Variants in NSUN6 observed in about 807,000 individuals in gnomAD.
NSUN6 encodes the protein tRNA (cytosine(72)-C(5))-methyltransferase NSUN6.
Under a neutral mutation model 58.0 loss-of-function variants are expected in NSUN6, and 64 were observed. The observed-to-expected ratio is 1.10, with a 90% CI of 0.90 to 1.36. The LOEUF is 1.36. NSUN6 is among the 40% of genes most tolerant of loss of function. NSUN6 has a pLI of 0.00. For synonymous variants in NSUN6, 231 were observed against 193.9 expected, an observed-to-expected ratio of 1.19 and a Z score of -1.59; for missense variants, 701 against 550.1, an observed-to-expected ratio of 1.27 and a Z score of -2.74.
At chr10:18,568,849 C>CATTCT (rs2056158813) in intron 8 of NSUN6, among the ~76,000 whole-genome samples, 1 of 7,412 alleles carries the variant, frequency 1.3e-4, no homozygotes, top group Non-Finnish European at 2.8e-4. Context: ...TTCCATTCTA[C>CATTCT]ATTCAATTCC....
chr10:18,557,224 C>T (rs990328838), intron 8 of NSUN6, among the ~76,000 whole-genome samples: 1 of 143,836 alleles, frequency 7.0e-6, no homozygotes, highest in African/African-American at 2.6e-5. Context: ...GAAAAGAGAA[C>T]ATGGAATGGA....
chr10:18,570,434 TTCCATTCCATTC>T (rs1219236711), intron 8 of NSUN6, among the ~76,000 whole-genome samples: 14 of 148,488 alleles, frequency 9.4e-5, no homozygotes, highest in South Asian at 2.2e-4. Flanking sequence ...CCATTCTCCA[TTCCATTCCATTC>T]TCCATTCCAT....
Position 18,596,398 on chromosome 10 carries a change from A to G in NSUN6, c.658-71T>C, listed in dbSNP as rs1271560227. ...TTTTAATTTGAGAACCAGAGAATAT[A>G]AAGAACCCTTTGGGGGTAATCCACT... On this transcript the variant is annotated intron_variant, in intron 6 of 10. Transcript: ENST00000377304. The G allele has an allele frequency of 5.6e-6, 6 of 1,071,332 alleles. 1 individual carries two copies. The highest frequency in any genetic ancestry group is 3.1e-5 in the African/African-American group (2 of 63,944). 66.4% of individuals were successfully genotyped at this position (1,071,332 alleles called of 1,614,324 possible). A position where few individuals can be genotyped will look rare whatever the true frequency, so the allele number is the denominator to read the frequency against.
At chr10:18,582,274 C>T (rs1237605475) in intron 8 of NSUN6, among the ~76,000 whole-genome samples, 1 of 152,170 alleles carries the variant, frequency 6.6e-6, no homozygotes, top group Non-Finnish European at 1.5e-5. Context: ...TGACCGTCAC[C>T]TGATGCTTGC....
intron 3 of NSUN6, among the ~76,000 whole-genome samples, chr10:18,638,346 G>A (rs2059284456): frequency 6.6e-6 from 1 of 152,110 alleles, no homozygotes; most frequent in African/African-American, 2.4e-5. Context: ...GGAGCATGAG[G>A]CAGGAGAATC....
intron 3 of NSUN6, among the ~76,000 whole-genome samples, chr10:18,635,523 C>T (rs2059182929): frequency 6.6e-6 from 1 of 152,096 alleles, no homozygotes. Flanking sequence ...TGGAAAGCTA[C>T]ACTGTGTCTC....
chr10:18,584,734 C>A (rs11015001), intron 8 of NSUN6, among the ~76,000 whole-genome samples: 7,941 of 152,010 alleles, frequency 0.052, 291 homozygotes, highest in Non-Finnish European at 0.077. Context: ...GATACATCAT[C>A]GTAAAAATGT....
intron 3 of NSUN6, among the ~76,000 whole-genome samples, chr10:18,627,115 C>T (rs1225204483): frequency 6.6e-6 from 1 of 152,076 alleles, no homozygotes; most frequent in South Asian, 2.1e-4. Flanking sequence ...CATTAAATTA[C>T]CAGACAAAAA....
intron 7 of NSUN6, 44 bp downstream of exon 7, chr10:18,596,164 T>C (rs748225004): frequency 6.5e-7 from 1 of 1,529,618 alleles, no homozygotes; most frequent in Non-Finnish European, 9.0e-7. Flanking sequence ...CATTGTGAAA[T>C]ATACACTACT....
At chr10:18,586,409 G>A (rs1813343181) in intron 7 of NSUN6, among the ~76,000 whole-genome samples, 2 of 152,178 alleles carry the variant, frequency 1.3e-5, no homozygotes, top group South Asian at 2.1e-4. Flanking sequence ...CCTTCCGGTC[G>A]GTTCATGGTC....
upstream of NSUN6, chr10:18,659,318 G>C: frequency 3.1e-6 from 1 of 325,148 alleles, no homozygotes; most frequent in Non-Finnish European, 5.6e-6. Context: ...CCGGCGATGG[G>C]TGGTCCTGGG....
chr10:18,617,867 C>A (rs1374448788), intron 3 of NSUN6, among the ~76,000 whole-genome samples: 2 of 152,210 alleles, frequency 1.3e-5, no homozygotes, highest in African/African-American at 4.8e-5. Context: ...TTTGCTTTCT[C>A]TTGCCCTTGT....
At chr10:18,577,386 T>C (rs2056702557) in intron 8 of NSUN6, among the ~76,000 whole-genome samples, 1 of 152,110 alleles carries the variant, frequency 6.6e-6, no homozygotes, top group Non-Finnish European at 1.5e-5. Context: ...GTTCGGTAAA[T>C]GGAAAGGAAT....
intron 3 of NSUN6, among the ~76,000 whole-genome samples, chr10:18,635,509 T>C (rs113535891): frequency 2.0e-5 from 3 of 152,136 alleles, no homozygotes; most frequent in Non-Finnish European, 4.4e-5. Flanking sequence ...GGAAGACCTA[T>C]GACTGGAAAG....
intron 8 of NSUN6, among the ~76,000 whole-genome samples, chr10:18,556,510 G>A (rs958041709): frequency 4.0e-5 from 6 of 151,564 alleles, no homozygotes; most frequent in African/African-American, 7.3e-5. Flanking sequence ...GAATGGAATG[G>A]AACGGAGAAT....
intron 2 of NSUN6, among the ~76,000 whole-genome samples, chr10:18,644,376 A>G (rs2059477198): frequency 6.6e-6 from 1 of 152,208 alleles, no homozygotes; most frequent in East Asian, 1.9e-4. Flanking sequence ...CAGGCTCACA[A>G]CACAGTTCAT....
intron 3 of NSUN6, among the ~76,000 whole-genome samples, chr10:18,626,040 C>A (rs992990349): frequency 2.0e-5 from 3 of 152,034 alleles, no homozygotes; most frequent in African/African-American, 7.2e-5. Context: ...AAGAAAGTAA[C>A]GCAGTACGTA....
rs768401412 is a variant in NSUN6, at chr10:18,609,918, C to A, written c.584G>T (p.Gly195Val). Residue 195 changes from glycine to valine, a missense_variant, in exon 6 of 11, where the codon GGC (glycine) becomes GTC (valine). Gly to Val is a moderately radical substitution (Grantham distance 109). Coordinates refer to ENST00000377304, the MANE Select transcript of NSUN6 (RefSeq NM_182543.5). ...ATATACTGGTTCTGTCATTCTTATG[C>A]CCATGCCTCTGAAAAATAGGAAATC... is the stretch of plus-strand genomic sequence containing the variant. Reference protein sequence around the residue: ...FSGLPELKGMGIRMTEPVYLS... With the variant: ...FSGLPELKGMVIRMTEPVYLS... The A allele has an allele frequency of 1.3e-6, 2 of 1,586,476 alleles. No individual in the cohort carries two copies. Among genetic ancestry groups the A allele is most frequent in the Non-Finnish European group, 1.7e-6 (2 of 1,155,148 alleles).
upstream of NSUN6, chr10:18,651,768 C>T: frequency 3.0e-6 from 3 of 985,516 alleles, no homozygotes; most frequent in South Asian, 1.4e-4. Context: ...GAGGCTCTTT[C>T]ACCTGCCTCA....
Sources: gnomAD v4.1 joint callset for allele counts (sites outside exome capture counted in the v4.1 genomes callset) on GRCh38, gnomAD v4.1.1 for gene constraint, MANE v1.5 for transcripts, NCBI Gene and HGNC (gene_info 2026-07-23, HGNC 2026-07-21) for gene names.